Variants in RERE observed in about 807,000 individuals in gnomAD.
RERE encodes arginine-glutamic acid dipeptide repeats, also known as arginine-glutamic acid dipeptide repeats protein.
A neutral mutation model predicts 146.1 loss-of-function variants in RERE; 40 were observed. The ratio of observed to expected loss-of-function variants is 0.27; its 90% confidence interval spans 0.21 to 0.36. The LOEUF (loss-of-function observed/expected upper bound fraction) is 0.36, where lower values mean the gene tolerates loss of function less well. RERE is among the 10% of genes least tolerant of loss of function. The pLI is 1.00. For missense variants in RERE, 1,933 were observed against 2,138.7 expected (o/e 0.90, Z 1.90); for synonymous variants, 1,003 against 866.0 (o/e 1.16, Z -2.78).
At chr1:8,377,915 T>C (rs956639860) in intron 12 of RERE, among the ~76,000 whole-genome samples, 6 of 152,122 alleles carry the variant, frequency 3.9e-5, no homozygotes, top group African/African-American at 9.7e-5. Flanking sequence ...TCAGAAAAGA[T>C]AGTTAGGAGA....
chr1:8,595,591 T>G (rs1458803234), intron 4 of RERE, among the ~76,000 whole-genome samples: 17 of 151,956 alleles, frequency 1.1e-4, no homozygotes, highest in Admixed American at 8.5e-4. Context: ...TATTTTCCCT[T>G]CAGAAACAAA....
chr1:8,663,776 C>G (rs746454549), intron 1 of RERE, among the ~76,000 whole-genome samples: 1 of 152,094 alleles, frequency 6.6e-6, no homozygotes, highest in African/African-American at 2.4e-5. Flanking sequence ...ACCTCTCCAG[C>G]CTCACCTCTC....
chr1:8,789,239 G>A (rs1330863454), intron 1 of RERE, among the ~76,000 whole-genome samples: 11 of 131,226 alleles, frequency 8.4e-5, no homozygotes, highest in Admixed American at 6.7e-4. Context: ...GATCCCAGGA[G>A]TTCGAAACCA....
chr1:8,359,718 G>C, intron 19 of RERE, 46 bp downstream of exon 19: 1 of 1,586,840 alleles, frequency 6.3e-7, no homozygotes, highest in South Asian at 1.1e-5. Flanking sequence ...CCCAGGCGCA[G>C]GATGGACCAG....
In RERE at chr1:8,479,050, T is replaced by C. The variant is rs912841316; in HGVS notation, c.1105-13027A>G. Among the ~76,000 whole-genome samples, 4 of 152,136 alleles carry C rather than the reference T, an allele frequency of 2.6e-5. No homozygotes were observed. The East Asian group carries it at 7.7e-4, about 29-fold the overall frequency. On this transcript the variant is annotated intron_variant, in intron 10 of 22. Transcript: ENST00000400908. ...GAAATATCATAGCCACTACTAGAAA[T>C]ATTTTTATACATTCTCAATATCAGA...
intron 12 of RERE, among the ~76,000 whole-genome samples, chr1:8,370,635 T>C (rs1015408158): frequency 5.3e-5 from 8 of 152,174 alleles, no homozygotes; most frequent in African/African-American, 1.7e-4. Flanking sequence ...AAATGGCATA[T>C]TGGTGACTGC....
chr1:8,397,590 A>C (rs1347628460), intron 12 of RERE, among the ~76,000 whole-genome samples: 1 of 41,764 alleles, frequency 2.4e-5, no homozygotes, highest in Non-Finnish European at 4.7e-5. Context: ...TCACACAGGA[A>C]AAAAAAAAAA....
At chr1:8,396,241 G>C (rs528579446) in intron 12 of RERE, among the ~76,000 whole-genome samples, 2 of 152,276 alleles carry the variant, frequency 1.3e-5, no homozygotes, top group East Asian at 3.9e-4. Context: ...GGTCAAATTT[G>C]AATCCCAGCT....
At chr1:8,613,085 T>C (rs1429533752) in intron 4 of RERE, among the ~76,000 whole-genome samples, 1 of 152,214 alleles carries the variant, frequency 6.6e-6, no homozygotes, top group Non-Finnish European at 1.5e-5. Context: ...TTGGTCCTCT[T>C]CATCTTACCC....
At chr1:8,563,021 G>A (rs991377960) in intron 4 of RERE, among the ~76,000 whole-genome samples, 5 of 152,046 alleles carry the variant, frequency 3.3e-5, no homozygotes, top group Non-Finnish European at 7.4e-5. Flanking sequence ...ACTGACAAGC[G>A]GTAGACTAGG....
rs1002074448 is a variant in RERE at position 8,362,690 on chromosome 1, G to A, written c.1895C>T (p.Ser632Leu). 20 of 1,614,110 alleles carry A rather than the reference G, an allele frequency of 1.2e-5. No individual in the cohort carries two copies. The highest frequency in any genetic ancestry group is 6.7e-5 in the African/African-American group (5 of 74,936). Residue 632 changes from serine (S) to leucine (L), a missense_variant, in exon 16 of 23, where the codon TCG becomes TTG. Transcript: ENST00000400908. ...ATCCCCCCAGCACCTGACCTTGGCC[G>A]ACTTCTTCACTGTCTCTGCTTTACT... ...NDSKAETVKK[S>L]AKKVKEEASS...
In RERE at chr1:8,688,846, A is replaced by G. The variant is rs141341302; in HGVS notation, c.-144-32405T>C. On this transcript the variant is annotated intron_variant, in intron 1 of 22. Coordinates refer to ENST00000400908, the MANE Select transcript of RERE (RefSeq NM_001042681.2). ...TGCAAGTGTTCTGAGCATGTGTAAC[A>G]TCGGCTAAGCTAAGCTATGGATTTT... 3.3e-5 allele frequency among the ~76,000 whole-genome samples: 5 copies of G among 152,346 alleles called. No homozygotes were observed. The East Asian group carries it at 9.6e-4, about 29-fold the overall frequency.
chr1:8,358,919 G>A lies in RERE; in HGVS notation c.3619-3C>T. ...TCATGCGCTGAGCTGGACGCCTTCTGCAGAAGGAAAAGAAAGCGTGAGGGG... is the reference window on the plus strand; with the variant it reads ...TCATGCGCTGAGCTGGACGCCTTCTACAGAAGGAAAAGAAAGCGTGAGGGG... On this transcript the variant is annotated splice_polypyrimidine_tract_variant and splice_region_variant and intron_variant, in intron 19 of 22. Coordinates refer to ENST00000400908, the MANE Select transcript of RERE (RefSeq NM_001042681.2). 1.3e-6 allele frequency: 2 copies of A among 1,516,744 alleles called. No homozygotes were observed. The highest frequency in any genetic ancestry group is 8.8e-7 in the Non-Finnish European group (1 of 1,135,896). The allele number at this position is 1,516,744 out of a possible 1,614,324, so 94.0% of individuals were successfully genotyped here. A position where few individuals can be genotyped will look rare whatever the true frequency, so the allele number is the denominator to read the frequency against.
chr1:8,613,899 A>G (rs1236664304), intron 4 of RERE, among the ~76,000 whole-genome samples: 1 of 152,230 alleles, frequency 6.6e-6, no homozygotes, highest in African/African-American at 2.4e-5. Context: ...GAGATGTACT[A>G]AACGATAATA....
chr1:8,650,934 T>TAAAC (rs1369793622), intron 2 of RERE, among the ~76,000 whole-genome samples: 1 of 148,958 alleles, frequency 6.7e-6, no homozygotes, highest in African/African-American at 2.5e-5. Context: ...AATAAATAAA[T>TAAAC]AAATAAAAAT....
chr1:8,506,468 A>C (rs2124288727), intron 8 of RERE, among the ~76,000 whole-genome samples: 1 of 152,390 alleles, frequency 6.6e-6, no homozygotes, highest in South Asian at 2.1e-4. Flanking sequence ...AGGTTATTTA[A>C]AAATGTAAAT....
At chr1:8,369,802 T>A (rs558807721) in intron 12 of RERE, among the ~76,000 whole-genome samples, 26 of 152,206 alleles carry the variant, frequency 1.7e-4, no homozygotes, top group Non-Finnish European at 2.2e-4. Flanking sequence ...ATATATATAT[T>A]TTTTTGAGAC....
intron 7 of RERE, among the ~76,000 whole-genome samples, chr1:8,532,923 G>T (rs971883368): frequency 6.6e-6 from 1 of 151,772 alleles, no homozygotes; most frequent in Non-Finnish European, 1.5e-5. Context: ...AGTAGAGACA[G>T]GGTTTCACCA....
chr1:8,416,378 G>A (rs1029757308), intron 12 of RERE, among the ~76,000 whole-genome samples: 3 of 152,118 alleles, frequency 2.0e-5, no homozygotes, highest in African/African-American at 7.2e-5. Context: ...AAGGTCAGGA[G>A]ATCGAGACCA....
Sources: gnomAD v4.1 joint callset for allele counts (sites outside exome capture counted in the v4.1 genomes callset) on GRCh38, gnomAD v4.1.1 for gene constraint, MANE v1.5 for transcripts, NCBI Gene and HGNC (gene_info 2026-07-23, HGNC 2026-07-21) for gene names.